Variants in DENND1A observed in about 807,000 individuals in gnomAD.
DENND1A encodes DENN domain containing 1A.
Under a neutral mutation model 113.7 loss-of-function variants are expected in DENND1A, and 51 were observed. The ratio of observed to expected loss-of-function variants is 0.45; its 90% CI spans 0.36 to 0.57. DENND1A has a LOEUF of 0.57. DENND1A is among the 20% of genes least tolerant of loss of function. The pLI, the probability that DENND1A is intolerant of heterozygous loss-of-function variation, is 0.00. For synonymous variants in DENND1A, 565 were observed against 570.8 expected, an observed-to-expected ratio of 0.99 and a Z score of 0.14; for missense variants, 1,258 against 1,395.9, an observed-to-expected ratio of 0.90 and a Z score of 1.57.
intron 2 of DENND1A, among the ~76,000 whole-genome samples, chr9:123,822,317 C>T (rs144561416): frequency 2.0e-5 from 3 of 152,030 alleles, no homozygotes; most frequent in African/African-American, 7.2e-5. Context: ...AGACAGGTGT[C>T]CCAACACTAA....
chr9:123,847,271 A>AT (rs1474428844), intron 2 of DENND1A, among the ~76,000 whole-genome samples: 6 of 152,204 alleles, frequency 3.9e-5, no homozygotes, highest in Admixed American at 6.5e-5. Flanking sequence ...AAAATGGTTT[A>AT]AAACTGTAAA....
chr9:123,769,953 C>T (rs1256688630), intron 3 of DENND1A, among the ~76,000 whole-genome samples: 1 of 152,028 alleles, frequency 6.6e-6, no homozygotes, highest in Non-Finnish European at 1.5e-5. Flanking sequence ...TTGCTGGCAC[C>T]GTTTTTGCCT....
chr9:123,824,941 A>C (rs985314878), intron 2 of DENND1A, among the ~76,000 whole-genome samples: 9 of 152,200 alleles, frequency 5.9e-5, no homozygotes, highest in African/African-American at 1.7e-4. Flanking sequence ...AAATTAGTTC[A>C]AAGTTCATTT....
chr9:123,709,259 C>T (rs2066428176), intron 5 of DENND1A, among the ~76,000 whole-genome samples: 1 of 152,212 alleles, frequency 6.6e-6, no homozygotes, highest in Non-Finnish European at 1.5e-5. Flanking sequence ...CCCAATCCTA[C>T]TCCCGACCCA....
Position 123,807,943 on chromosome 9 carries a change from T to C in DENND1A, c.89-15313A>G, listed in dbSNP as rs538319704. On this transcript the variant is annotated intron_variant, in intron 2 of 23. Coordinates refer to ENST00000394215, the MANE Select transcript of DENND1A (RefSeq NM_001352964.2). ...GATTTAACTTTAAAACCTATATTCTTGGCCGGGCACAGTAGCTCACACCTG... is the reference window on the plus strand; with the variant it reads ...GATTTAACTTTAAAACCTATATTCTCGGCCGGGCACAGTAGCTCACACCTG... Among the ~76,000 whole-genome samples the C allele has an allele frequency of 2.6e-5, 4 of 152,226 alleles. No homozygotes were observed. The South Asian group carries it at 8.3e-4, about 32-fold the overall frequency.
At chr9:123,566,914 C>CACACACACAA (rs1554883183) in intron 12 of DENND1A, among the ~76,000 whole-genome samples, 1 of 36,598 alleles carries the variant, frequency 2.7e-5, no homozygotes, top group Non-Finnish European at 4.6e-5. Flanking sequence ...TTTAACACAC[C>CACACACACAA]ACACACACAC....
intron 5 of DENND1A, among the ~76,000 whole-genome samples, chr9:123,705,108 T>C (rs1250394262): frequency 2.7e-5 from 4 of 150,726 alleles, no homozygotes; most frequent in African/African-American, 4.9e-5. Context: ...GACAAAGCAC[T>C]GTGAAGACAG....
At chr9:123,477,390 A>AT (rs760921029) in intron 13 of DENND1A, among the ~76,000 whole-genome samples, 8,062 of 145,086 alleles carry the variant, frequency 0.056, 592 homozygotes, top group African/African-American at 0.17. Context: ...ATCTCTATAA[A>AT]TTTTTTTTTT....
At chr9:123,431,123 A>G (rs554355838) in intron 19 of DENND1A, among the ~76,000 whole-genome samples, 3 of 152,340 alleles carry the variant, frequency 2.0e-5, no homozygotes, top group Admixed American at 2.0e-4. Context: ...TTTATGTCTC[A>G]TGTACCCTAA....
At chr9:123,482,406 T>C (rs1172384583) in intron 13 of DENND1A, among the ~76,000 whole-genome samples, 2 of 152,234 alleles carry the variant, frequency 1.3e-5, no homozygotes, top group African/African-American at 4.8e-5. Context: ...CCCATTATCT[T>C]TATTTTTTAA....
intron 10 of DENND1A, among the ~76,000 whole-genome samples, chr9:123,624,781 C>A (rs1214394622): frequency 6.6e-6 from 1 of 152,160 alleles, no homozygotes. Flanking sequence ...AACAGTTTTT[C>A]AGAGTGCTAG....
intron 5 of DENND1A, among the ~76,000 whole-genome samples, chr9:123,711,494 T>A (rs1014992284): frequency 1.9e-3 from 177 of 93,500 alleles, no homozygotes; most frequent in African/African-American, 7.8e-3. Flanking sequence ...AAAATATATA[T>A]ATATATATAT....
At chr9:123,471,637 T>C (rs1447316788) in intron 13 of DENND1A, among the ~76,000 whole-genome samples, 2 of 152,194 alleles carry the variant, frequency 1.3e-5, no homozygotes, top group Non-Finnish European at 2.9e-5. Context: ...GGCTGCACGT[T>C]GACTTCTCGT....
intron 11 of DENND1A, among the ~76,000 whole-genome samples, chr9:123,607,488 GACACACACACACAC>G (rs10557656): frequency 1.4e-5 from 1 of 70,992 alleles, no homozygotes; most frequent in Non-Finnish European, 2.8e-5. Context: ...CAGAGAGAGA[GACACACACACACAC>G]ACACACACAC....
At chr9:123,905,904 A>G (rs1281462742) in intron 1 of DENND1A, among the ~76,000 whole-genome samples, 14 of 150,924 alleles carry the variant, frequency 9.3e-5, no homozygotes, top group Non-Finnish European at 1.5e-4. Flanking sequence ...CAGAATATAC[A>G]TTTTTTTCAG....
chr9:123,547,775 G>A (rs1367984921), intron 13 of DENND1A, among the ~76,000 whole-genome samples: 2 of 152,152 alleles, frequency 1.3e-5, no homozygotes. Flanking sequence ...TAATTTCAGG[G>A]TGTTTTGCAT....
intron 2 of DENND1A, among the ~76,000 whole-genome samples, chr9:123,878,671 A>G (rs1161133218): frequency 6.6e-6 from 1 of 152,148 alleles, no homozygotes; most frequent in Non-Finnish European, 1.5e-5. Flanking sequence ...TAAATAGTTG[A>G]CTTCCAGGCA....
chr9:123,711,749 A>G (rs1002925454), intron 5 of DENND1A, among the ~76,000 whole-genome samples: 1 of 151,748 alleles, frequency 6.6e-6, no homozygotes, highest in Non-Finnish European at 1.5e-5. Flanking sequence ...TCCCATTACC[A>G]AACCCGCCCT....
At chr9:123,382,710 G>C in intron 23 of DENND1A, 85 bp from the exon 24 acceptor site, 7 of 1,402,206 alleles carry the variant, frequency 5.0e-6, no homozygotes, top group Non-Finnish European at 6.9e-6. Context: ...TCTGTGTGCT[G>C]AATGTGTGCT....
Sources: gnomAD v4.1 joint callset for allele counts (sites outside exome capture counted in the v4.1 genomes callset) on GRCh38, gnomAD v4.1.1 for gene constraint, MANE v1.5 for transcripts, NCBI Gene and HGNC (gene_info 2026-07-23, HGNC 2026-07-21) for gene names.